Variants in RASGEF1B observed in about 807,000 individuals in gnomAD.
RASGEF1B encodes ras-GEF domain-containing family member 1B.
In RASGEF1B, 30 loss-of-function variants were observed where a neutral mutation model predicts 65.7. The observed-to-expected ratio is 0.46, with a 90% CI of 0.34 to 0.62. RASGEF1B has a LOEUF of 0.62. Ranked by LOEUF, RASGEF1B falls within the 20% of genes least tolerant of loss-of-function variation. The pLI is 0.01. For synonymous variants in RASGEF1B, 175 were observed against 194.8 expected, an observed-to-expected ratio of 0.90 and a Z score of 0.85; for missense variants, 495 against 580.1, an observed-to-expected ratio of 0.85 and a Z score of 1.51.
chr4:81,445,376 G>T, intron 8 of RASGEF1B, 150 bp downstream of exon 8: 3 of 634,558 alleles, frequency 4.7e-6, no homozygotes, highest in Non-Finnish European at 5.6e-6. Context: ...CACTCATTTG[G>T]CTATTTAAAG....
intron 4 of RASGEF1B, among the ~76,000 whole-genome samples, chr4:81,449,197 CTCATAA>C (rs2109982813): frequency 6.6e-6 from 1 of 152,274 alleles, no homozygotes; most frequent in African/African-American, 2.4e-5. Flanking sequence ...CTCCACTGGG[CTCATAA>C]TCATTTCTTT....
chr4:81,466,631 T>C (rs146315746), intron 1 of RASGEF1B, among the ~76,000 whole-genome samples: 2,518 of 150,580 alleles, frequency 0.017, 26 homozygotes, highest in East Asian at 0.039. Context: ...TGGTGGCGGG[T>C]GCCTGTAGTC....
Position 81,448,173 on chromosome 4 carries a change from G to C in RASGEF1B, c.550C>G (p.Arg184Gly), listed in dbSNP as rs527942666. The C allele has an allele frequency of 1.9e-6, 3 of 1,614,084 alleles. No homozygotes were observed. Among genetic ancestry groups the C allele is most frequent in the East Asian group, 4.5e-5 (2 of 44,882 alleles). Reference sequence around the variant, plus strand: ...GGCTTGGTCTTGAGAACTGTGAGCCGATCTGTGGATGTGGAGCTGATTTTT... The same window carrying C: ...GGCTTGGTCTTGAGAACTGTGAGCCCATCTGTGGATGTGGAGCTGATTTTT... ...LAKISSTSTDRLTVLKTKPQS... is the reference protein window; with the variant it reads ...LAKISSTSTDGLTVLKTKPQS... The change falls in exon 5 of 14, where the codon CGG (arginine) becomes GGG (glycine). Residue 184 changes from arginine to glycine, a missense_variant. Transcript: ENST00000264400.
chr4:81,437,494 C>T (rs1721671596), intron 10 of RASGEF1B, among the ~76,000 whole-genome samples: 1 of 152,112 alleles, frequency 6.6e-6, no homozygotes, highest in Non-Finnish European at 1.5e-5. Context: ...AAAAAAATAA[C>T]TTTATTTTTG....
rs1289064973 is a variant in RASGEF1B, at chr4:81,469,342, T to C, written c.-7+2428A>G. ...CCATCTCCTTTCCAAGGAGGTGCTC[T>C]CCTGGGGCTATCCCAATGTTCCTCC... On this transcript the variant is annotated intron_variant, in intron 1 of 13. Coordinates refer to ENST00000264400, the MANE Select transcript of RASGEF1B (RefSeq NM_152545.3). Among the ~76,000 whole-genome samples the C allele has an allele frequency of 2.0e-5, 3 of 152,156 alleles. No individual in the cohort carries two copies. In the East Asian group the frequency reaches 5.8e-4, roughly 29 times the overall value.
chr4:81,457,756 T>G, intron 2 of RASGEF1B, 135 bp from the exon 3 acceptor site: 2 of 871,156 alleles, frequency 2.3e-6, no homozygotes, highest in Non-Finnish European at 3.5e-6. Context: ...TGCCTACTAG[T>G]AGTAAAACAG....
intron 10 of RASGEF1B, among the ~76,000 whole-genome samples, chr4:81,438,591 G>A (rs939998701): frequency 3.3e-5 from 5 of 152,158 alleles, no homozygotes; most frequent in African/African-American, 9.7e-5. Flanking sequence ...TCTGGGATAC[G>A]TGTGCACAAC....
Position 81,435,430 on chromosome 4 carries a change from A to C in RASGEF1B, c.1105-696T>G, listed in dbSNP as rs544975116. On this transcript the variant is annotated intron_variant, in intron 10 of 13. Coordinates refer to ENST00000264400, the MANE Select transcript of RASGEF1B (RefSeq NM_152545.3). Reference sequence around the variant, plus strand: ...GAGACTCCCTCTCAAAAAAAAAAAAAAAAAAAAAGAATACCTATCATTGCA... The same window carrying C: ...GAGACTCCCTCTCAAAAAAAAAAAACAAAAAAAAGAATACCTATCATTGCA... Among the ~76,000 whole-genome samples, 7 of 149,660 alleles carry C rather than the reference A, an allele frequency of 4.7e-5. No homozygotes were observed. In the South Asian group the frequency reaches 1.5e-3, roughly 31 times the overall value.
intron 1 of RASGEF1B, among the ~76,000 whole-genome samples, chr4:81,466,867 C>T (rs772436344): frequency 6.9e-6 from 1 of 144,298 alleles, no homozygotes; most frequent in Non-Finnish European, 1.5e-5. Flanking sequence ...AGTCAGAAGA[C>T]GTCCTAAATC....
chr4:81,459,212 C>T, intron 2 of RASGEF1B, 120 bp downstream of exon 2: 1 of 776,574 alleles, frequency 1.3e-6, no homozygotes, highest in Non-Finnish European at 2.0e-6. Flanking sequence ...TATGCAATTT[C>T]TTGTTAGAAA....
chr4:81,448,268 T>C lies in RASGEF1B; in HGVS notation c.455A>G (p.Asn152Ser), dbSNP rs1474962254. The C allele has an allele frequency of 1.2e-6, 2 of 1,612,534 alleles. No homozygotes were observed. Among genetic ancestry groups the C allele is most frequent in the African/African-American group, 2.7e-5 (2 of 74,886 alleles). The change falls in exon 5 of 14, where the codon AAT (asparagine) becomes AGT (serine). Residue 152 changes from asparagine to serine, a missense_variant. Asn to Ser is a conservative substitution (Grantham distance 46). Transcript: ENST00000264400. ...CAGACACTGCATCATTTGCTGGACA[T>C]TCTTTCTGTATGTCTGCTAGGGAAT... is the stretch of plus-strand genomic sequence containing the variant. ...ASGEEQTYRK[N>S]VQQMMQCLIR... is the part of the protein sequence containing the mutation.
intron 13 of RASGEF1B, among the ~76,000 whole-genome samples, chr4:81,428,233 G>C (rs1721294937): frequency 6.6e-6 from 1 of 152,162 alleles, no homozygotes; most frequent in African/African-American, 2.4e-5. Flanking sequence ...ATCTGCCACT[G>C]ATGAATCTAC....
intron 4 of RASGEF1B, chr4:81,455,587 G>A (rs958345737): frequency 6.6e-6 from 1 of 152,208 alleles, no homozygotes; most frequent in African/African-American, 2.4e-5. Flanking sequence ...CCAGGTGAAA[G>A]TGTATCTGTG....
At chr4:81,461,372 T>G (rs7670580) in intron 1 of RASGEF1B, among the ~76,000 whole-genome samples, 48,368 of 152,086 alleles carry the variant, frequency 0.32, 11,448 homozygotes, top group African/African-American at 0.67. Context: ...GTTTTAGATG[T>G]TTATAACCAC....
In RASGEF1B at chr4:81,468,397, C is replaced by T. The variant is rs187736765; in HGVS notation, c.-7+3373G>A. Among the ~76,000 whole-genome samples the T allele has an allele frequency of 1.4e-4, 21 of 152,210 alleles. No homozygotes were observed. The East Asian group carries it at 4.1e-3, about 29-fold the overall frequency. On this transcript the variant is annotated intron_variant, in intron 1 of 13. Coordinates refer to ENST00000264400, the MANE Select transcript of RASGEF1B (RefSeq NM_152545.3). ...TATTGGTAGTCCAGGCTAATTTGTACTTTCTCTGGGTTAAACTAATTTTCT... is the reference window on the plus strand; with the variant it reads ...TATTGGTAGTCCAGGCTAATTTGTATTTTCTCTGGGTTAAACTAATTTTCT...
chr4:81,465,454 A>G (rs1247246210), intron 1 of RASGEF1B, among the ~76,000 whole-genome samples: 2 of 152,380 alleles, frequency 1.3e-5, no homozygotes, highest in Middle Eastern at 3.4e-3. Flanking sequence ...TGGGAAGTTG[A>G]AAAGTTAGTT....
chr4:81,446,298 C>T (rs1380986824), intron 6 of RASGEF1B, among the ~76,000 whole-genome samples: 5 of 152,214 alleles, frequency 3.3e-5, no homozygotes, highest in East Asian at 1.9e-4. Context: ...ATCGCTTGAA[C>T]CCGGGAGGAG....
intron 1 of RASGEF1B, among the ~76,000 whole-genome samples, chr4:81,469,723 T>A (rs1337070958): frequency 6.6e-6 from 1 of 151,944 alleles, no homozygotes; most frequent in East Asian, 1.9e-4. Flanking sequence ...CGGGAGACAA[T>A]ACATGGGAAT....
At chr4:81,471,539 C>T (rs571722449) in intron 1 of RASGEF1B, among the ~76,000 whole-genome samples, 139 of 152,296 alleles carry the variant, frequency 9.1e-4, no homozygotes, top group Admixed American at 1.8e-3. Flanking sequence ...GGCCCTCCCC[C>T]GGTCCCGGGC....
Sources: allele counts gnomAD v4.1 joint callset (sites outside exome capture counted in the v4.1 genomes callset), GRCh38; gene constraint gnomAD v4.1.1; transcripts MANE v1.5; gene names NCBI Gene and HGNC (gene_info 2026-07-23, HGNC 2026-07-21).